Variants in ZNF469 observed in about 807,000 individuals in gnomAD.
ZNF469 encodes the protein zinc finger protein 469.
Under a neutral mutation model 1.0 loss-of-function variants are expected in ZNF469, and 1 was observed. The ratio of observed to expected loss-of-function variants is 1.00; its 90% CI spans 0.35 to 4.73. ZNF469 has a LOEUF of 4.73. Among genes scored for constraint, ZNF469 ranks in the 30% most tolerant of loss-of-function variants. ZNF469 has a pLI of 0.16. For synonymous variants in ZNF469, 2,703 were observed against 2,363.4 expected (o/e 1.14, Z -4.17); for missense variants, 6,100 against 5,356.3 (o/e 1.14, Z -4.33).
the ZNF469 span, chr16:88,194,239 G>A: frequency 6.6e-6 from 1 of 152,290 alleles, no homozygotes; most frequent in East Asian, 1.9e-4. Context: ...GCACTGCACT[G>A]CAGCAGCCGG....
the ZNF469 span, among the ~76,000 whole-genome samples, chr16:88,258,109 G>A: frequency 1.3e-5 from 2 of 152,156 alleles, no homozygotes; most frequent in African/African-American, 4.8e-5. Flanking sequence ...ACCAGTAGAA[G>A]CAGGCATTGA....
At chr16:88,407,505 G>A (rs777475167) in intron 1 of ZNF469, among the ~76,000 whole-genome samples, 3 of 152,238 alleles carry the variant, frequency 2.0e-5, no homozygotes, top group South Asian at 4.1e-4. Context: ...ACCAGGTGTC[G>A]GACACCGAAC....
the ZNF469 span, among the ~76,000 whole-genome samples, chr16:88,163,497 AATGGATGGATGG>A: frequency 0.12 from 15,558 of 135,256 alleles, 1,089 homozygotes; most frequent in African/African-American, 0.2. Flanking sequence ...AGGATGGATG[AATGGATGGATGG>A]ATGGATGGAT....
the ZNF469 span, among the ~76,000 whole-genome samples, chr16:88,259,410 C>G: frequency 6.6e-6 from 1 of 152,210 alleles, no homozygotes; most frequent in Non-Finnish European, 1.5e-5. The surrounding 1 kb of genome is among the most constrained non-coding windows in gnomAD (Gnocchi z 4.1). Context: ...AGCCGGGCTG[C>G]TCAGGAAAAA....
chr16:88,137,812 T>A, the ZNF469 span, among the ~76,000 whole-genome samples: 1 of 152,192 alleles, frequency 6.6e-6, no homozygotes, highest in Non-Finnish European at 1.5e-5. Flanking sequence ...CGAGGCATGG[T>A]CAAGGCTCAG....
At chr16:88,380,537 G>A (rs549555545), upstream of ZNF469, among the ~76,000 whole-genome samples, 5 of 70,854 alleles carry the variant, frequency 7.1e-5, no homozygotes, top group South Asian at 6.8e-4. Flanking sequence ...TAACACACAC[G>A]CACTAACACA....
At chr16:88,112,967 A>G in the ZNF469 span, among the ~76,000 whole-genome samples, 1 of 151,456 alleles carries the variant, frequency 6.6e-6, no homozygotes, top group Non-Finnish European at 1.5e-5. Flanking sequence ...TTTAGTAGAG[A>G]CGGGGTTTCA....
At chr16:88,342,115 C>T in the ZNF469 span, among the ~76,000 whole-genome samples, 4 of 152,086 alleles carry the variant, frequency 2.6e-5, no homozygotes, top group Non-Finnish European at 2.9e-5. Context: ...TGGGAGAGGC[C>T]GGGCAGGGGC....
rs777200054 is a variant in ZNF469 at position 88,430,011 on chromosome 16, G to A, written c.2541G>A (p.Ala847=). The part of the protein sequence containing the change: ...DAKLDSLITE[A]LNGMEYQSDN... Reference sequence around the variant, plus strand: ...AGCTGGACAGCCTCATCACAGAGGCGCTCAACGGCATGGAGTACCAGTCGG... The same window carrying A: ...AGCTGGACAGCCTCATCACAGAGGCACTCAACGGCATGGAGTACCAGTCGG... The change falls in exon 3 of 3, where the codon GCG becomes GCA. Residue 847 remains alanine, a synonymous_variant. Coordinates refer to ENST00000565624, the MANE Select transcript of ZNF469 (RefSeq NM_001367624.2). 5.2e-6 allele frequency: 8 copies of A among 1,550,242 alleles called. No individual in the cohort carries two copies. The African/African-American group carries it at 5.5e-5, about 11-fold the overall frequency.
At chr16:88,240,504 A>T in the ZNF469 span, among the ~76,000 whole-genome samples, 13 of 152,174 alleles carry the variant, frequency 8.5e-5, no homozygotes, top group Admixed American at 8.5e-4. Flanking sequence ...CACTGTGCCC[A>T]CCAGGTGCAA....
chr16:88,222,012 G>A, the ZNF469 span, among the ~76,000 whole-genome samples: 1 of 152,022 alleles, frequency 6.6e-6, no homozygotes, highest in African/African-American at 2.4e-5. Context: ...TCTGGGCCGT[G>A]GGCTTATTTT....
the ZNF469 span, among the ~76,000 whole-genome samples, chr16:88,116,503 G>A: frequency 6.6e-6 from 1 of 152,198 alleles, no homozygotes; most frequent in African/African-American, 2.4e-5. Context: ...GACACTCTTG[G>A]GGCGTTTATT....
At chr16:88,316,380 G>T in the ZNF469 span, among the ~76,000 whole-genome samples, 1 of 151,958 alleles carries the variant, frequency 6.6e-6, no homozygotes, top group African/African-American at 2.4e-5. Flanking sequence ...AGCTCACCTT[G>T]GCACGGCTCT....
the ZNF469 span, among the ~76,000 whole-genome samples, chr16:88,121,645 A>G: frequency 6.6e-6 from 1 of 152,194 alleles, no homozygotes; most frequent in Admixed American, 6.5e-5. Context: ...TCTATAATTT[A>G]TTCCAATGAC....
chr16:88,300,264 C>T, the ZNF469 span, among the ~76,000 whole-genome samples: 723 of 152,108 alleles, frequency 4.8e-3, 9 homozygotes, highest in African/African-American at 0.016. Flanking sequence ...CAGTCCTGCC[C>T]GGGTGGTGAG....
rs1349511313 is a variant in ZNF469, at chr16:88,439,163, G to A, written c.11693G>A (p.Gly3898Glu). The change falls in exon 3 of 3, where the codon GGG becomes GAG. Residue 3898 changes from glycine (G) to glutamate (E), a missense_variant. By Grantham distance (98) the Gly-to-Glu change is moderately conservative. Coordinates refer to ENST00000565624, the MANE Select transcript of ZNF469 (RefSeq NM_001367624.2). ...AGACTGGGCAAGGCCTTCCCCCAGG[G>A]GAGACCCCTGCTCAGGCCCCCCAAG... The part of the protein sequence containing the change: ...KDRLGKAFPQ[G>E]RPLLRPPKRG... The A allele has an allele frequency of 6.4e-6, 10 of 1,550,418 alleles. No individual in the cohort carries two copies. In the African/African-American group the frequency reaches 1.1e-4, roughly 17 times the overall value.
the ZNF469 span, among the ~76,000 whole-genome samples, chr16:88,208,457 G>A: frequency 1.5e-5 from 2 of 134,082 alleles, no homozygotes; most frequent in African/African-American, 5.5e-5. Flanking sequence ...CAGTGAAGGA[G>A]TGTAAGGGGA....
the ZNF469 span, among the ~76,000 whole-genome samples, chr16:88,162,075 A>T: frequency 1.3e-5 from 2 of 152,352 alleles, no homozygotes; most frequent in South Asian, 2.1e-4. Flanking sequence ...AGTTCTCTGA[A>T]TGGAGACAAA....
intron 1 of ZNF469, among the ~76,000 whole-genome samples, chr16:88,405,407 C>T (rs978839622): frequency 6.6e-6 from 1 of 152,212 alleles, no homozygotes; most frequent in Non-Finnish European, 1.5e-5. Flanking sequence ...CGTGGTGCCT[C>T]CCGGCAACAG....
Sources: allele counts gnomAD v4.1 joint callset (sites outside exome capture counted in the v4.1 genomes callset), GRCh38; gene constraint gnomAD v4.1.1; non-coding constraint Gnocchi (gnomAD v3.1); transcripts MANE v1.5; gene names NCBI Gene and HGNC (gene_info 2026-07-23, HGNC 2026-07-21).